The following IRF4 variants were observed in gnomAD, a reference collection of about 807,000 sequenced individuals.
IRF4 encodes lymphocyte-specific interferon regulatory factor.
In IRF4, 13 loss-of-function variants were observed where a neutral mutation model predicts 55.5. That is an observed-to-expected ratio of 0.23 (90% CI 0.15 to 0.37). The LOEUF is 0.37. Among genes scored for constraint, IRF4 ranks in the 10% least tolerant of loss-of-function variants. The pLI, the probability that IRF4 is intolerant of heterozygous loss-of-function variation, is 1.00. For missense variants in IRF4, 397 were observed against 593.8 expected, an observed-to-expected ratio of 0.67 and a Z score of 3.44; for synonymous variants, 249 against 240.7, an observed-to-expected ratio of 1.03 and a Z score of -0.32.
chr6:399,195 G>A (rs1324296173), intron 6 of IRF4, among the ~76,000 whole-genome samples: 1 of 152,136 alleles, frequency 6.6e-6, no homozygotes, highest in Non-Finnish European at 1.5e-5. Context: ...TTCTTCACTG[G>A]CACCTCTCTG....
At chr6:405,920 C>T (rs779179720) in intron 8 of IRF4, among the ~76,000 whole-genome samples, 7 of 152,194 alleles carry the variant, frequency 4.6e-5, no homozygotes, top group African/African-American at 9.7e-5. Flanking sequence ...GCATTATTAA[C>T]GGGCTTGCAT....
In IRF4 at chr6:401,489, C is replaced by G; in HGVS notation, c.811C>G (p.Pro271Ala). The change falls in exon 7 of 9, where the codon CCC becomes GCC. Residue 271 changes from proline (P) to alanine (A), a missense_variant. Physicochemically the swap from Pro to Ala is conservative, Grantham distance 27. Transcript: ENST00000380956. ...CGTGAAGGAGCTGACCACGTCCAGC[C>G]CCGAGGGCTGCCGGATCTCCCATGG... ...ILVKELTTSS[P>A]EGCRISHGHT... 2 of 1,613,900 alleles carry G rather than the reference C, an allele frequency of 1.2e-6. No individual in the cohort carries two copies.
intron 6 of IRF4, among the ~76,000 whole-genome samples, chr6:401,154 G>T (rs745560059): frequency 6.6e-6 from 1 of 152,170 alleles, no homozygotes; most frequent in Non-Finnish European, 1.5e-5. Flanking sequence ...GGCCACATAC[G>T]TTTGTAATAT....
At chr6:401,846 C>T (rs1761409148) in intron 7 of IRF4, 69 bp downstream of exon 7, 9 of 1,415,506 alleles carry the variant, frequency 6.4e-6, no homozygotes, top group Non-Finnish European at 8.8e-6. Context: ...TCAGAAACCA[C>T]AGGGTCCCTC....
Position 407,926 on chromosome 6 carries a change from C to A in IRF4, c.*328C>A, listed in dbSNP as rs975939817. 6.4e-6 allele frequency: 2 copies of A among 314,664 alleles called. No homozygotes were observed. The highest frequency in any genetic ancestry group is 5.5e-5 in the East Asian group (1 of 18,126). 19.5% of individuals were successfully genotyped at this position (314,664 alleles called of 1,614,324 possible). The stretch of plus-strand genomic sequence containing the variant: ...GTTCAGCGGTTGAGGAGAATTGCGG[C>A]GAGACAAGCATGGAAAATCAGTGAC... On this transcript the variant is annotated 3_prime_UTR_variant, in exon 9 of 9. Coordinates refer to ENST00000380956, the MANE Select transcript of IRF4 (RefSeq NM_002460.4).
rs780909578 is a variant in IRF4 at position 410,094 on chromosome 6, A to C, written c.*2496A>C. The C allele has an allele frequency of 4.4e-6, 1 of 226,818 alleles. No individual in the cohort carries two copies. The highest frequency in any genetic ancestry group is 6.3e-5 in the East Asian group (1 of 15,894). 14.1% of individuals were successfully genotyped at this position (226,818 alleles called of 1,614,324 possible). ...TCCTAGCACTTGTCTCAGGACTCTG[A>C]AAAGGAACGGCTTCCTCATTCCTTG... On this transcript the variant is annotated 3_prime_UTR_variant, in exon 9 of 9. Coordinates refer to ENST00000380956, the MANE Select transcript of IRF4 (RefSeq NM_002460.4).
At chr6:401,974 T>A (rs1241174766) in intron 7 of IRF4, among the ~76,000 whole-genome samples, 197 bp downstream of exon 7, 1 of 152,212 alleles carries the variant, frequency 6.6e-6, no homozygotes, top group Admixed American at 6.5e-5. Flanking sequence ...GATCAGATGG[T>A]CCAGGTGGAC....
chr6:396,586 A>AC (rs1761265603), intron 4 of IRF4, among the ~76,000 whole-genome samples: 3 of 140,370 alleles, frequency 2.1e-5, no homozygotes, highest in African/African-American at 5.5e-5. Flanking sequence ...GCACTCCTTT[A>AC]CCCCCGTCTC....
chr6:392,431 G>A (rs1032854190), intron 1 of IRF4, among the ~76,000 whole-genome samples: 3 of 152,360 alleles, frequency 2.0e-5, no homozygotes, highest in African/African-American at 7.2e-5. Flanking sequence ...CCTGCTCCGG[G>A]GTCCGGCGGA....
Position 394,960 on chromosome 6 carries a change from C to G in IRF4, c.356C>G (p.Ser119Ter). The G allele has an allele frequency of 6.2e-7, 1 of 1,614,132 alleles. No homozygotes were observed. Among genetic ancestry groups the G allele is most frequent in the Non-Finnish European group, 8.5e-7 (1 of 1,180,000 alleles). Residue 119 changes from serine (S) to a stop codon, truncating the protein, a stop_gained, in exon 3 of 9, where the codon TCA (serine) becomes TGA (stop). Transcript: ENST00000380956. LOFTEE classifies it high-confidence loss of function. Reference protein sequence around the residue: ...ELVERSQLDISDPYKVYRIVP... With the variant: ...ELVERSQLDI ...GTTGAGCGGAGCCAGCTGGACATCTCAGACCCGTACAAAGTGTACAGGATT... is the reference window on the plus strand; with the variant it reads ...GTTGAGCGGAGCCAGCTGGACATCTGAGACCCGTACAAAGTGTACAGGATT...
intron 4 of IRF4, among the ~76,000 whole-genome samples, chr6:396,330 C>T (rs930789263): frequency 6.6e-6 from 1 of 152,204 alleles, no homozygotes; most frequent in Admixed American, 6.5e-5. Flanking sequence ...GCAAATTCCC[C>T]TGTGGTACTT....
chr6:399,453 T>C (rs1201211483), intron 6 of IRF4, among the ~76,000 whole-genome samples: 1 of 150,186 alleles, frequency 6.7e-6, no homozygotes, highest in Non-Finnish European at 1.5e-5. Flanking sequence ...AACTTTAATA[T>C]AGCTTGCAAA....
Position 393,052 on chromosome 6 carries a change from C to A in IRF4, c.-55-46C>A. On this transcript the variant is annotated intron_variant, in intron 1 of 8. Transcript: ENST00000380956. The surrounding 1 kb of genome is among the most constrained non-coding windows in gnomAD (Gnocchi z 5.4). Reference sequence around the variant, plus strand: ...GCGCAGGGGATCGGGGCGGGGTGCCCGGAGTGCGGTGCCTCGTGGCTGAAG... The same window carrying A: ...GCGCAGGGGATCGGGGCGGGGTGCCAGGAGTGCGGTGCCTCGTGGCTGAAG... 1 of 1,113,528 alleles carries A rather than the reference C, an allele frequency of 9.0e-7. No homozygotes were observed. Among genetic ancestry groups the A allele is most frequent in the Non-Finnish European group, 1.3e-6 (1 of 790,806 alleles). The allele number at this position is 1,113,528 out of a possible 1,614,324, so 69.0% of individuals were successfully genotyped here. A position where few individuals can be genotyped will look rare whatever the true frequency, so the allele number is the denominator to read the frequency against.
In IRF4 at chr6:408,241, A is replaced by G. The variant is rs868503698; in HGVS notation, c.*643A>G. ...GAAGCCTCACACGTAAAAGAAATGT[A>G]TTAATGTATGTAGGAGCTGCAGTTC... On this transcript the variant is annotated 3_prime_UTR_variant, in exon 9 of 9. Transcript: ENST00000380956. 8.6e-6 allele frequency: 2 copies of G among 232,626 alleles called. No individual in the cohort carries two copies. Among genetic ancestry groups the G allele is most frequent in the African/African-American group, 2.2e-5 (1 of 45,312 alleles). 14.4% of individuals were successfully genotyped at this position (232,626 alleles called of 1,614,324 possible).
intron 7 of IRF4, 130 bp from the exon 8 acceptor site, chr6:404,888 T>C: frequency 3.2e-6 from 2 of 622,500 alleles, no homozygotes; most frequent in South Asian, 4.0e-5. Flanking sequence ...AGAGCCCCAC[T>C]CAGCGGAGTA....
In IRF4 at chr6:393,749, G is replaced by T. The variant is rs886321837; in HGVS notation, c.216+381G>T. On this transcript the variant is annotated intron_variant, in intron 2 of 8. Transcript: ENST00000380956. This position sits in a 1 kb window ranked among gnomAD's most constrained non-coding sequence, Gnocchi z 5.4. ...CCGCCTCCGTCCGTGGGTCCCCCTC[G>T]CCCTCTCCGTGCGTCCGCGCCTGTG... Among the ~76,000 whole-genome samples the T allele has an allele frequency of 1.3e-5, 2 of 152,210 alleles. No homozygotes were observed. The highest frequency in any genetic ancestry group is 1.9e-4 in the East Asian group (1 of 5,150).
In IRF4 at chr6:393,105, C is replaced by T. The variant is rs2127435988; in HGVS notation, c.-48C>T. ...CAGCTCTTCTCCCCGCAGTGCAGAG[C>T]AGAGCGGGCGGAGGACCCCGGGCGC... On this transcript the variant is annotated 5_prime_UTR_variant, in exon 2 of 9. Coordinates refer to ENST00000380956, the MANE Select transcript of IRF4 (RefSeq NM_002460.4). This position sits in a 1 kb window ranked among gnomAD's most constrained non-coding sequence, Gnocchi z 5.4. 1 of 1,507,684 alleles carries T rather than the reference C, an allele frequency of 6.6e-7. No individual in the cohort carries two copies. The highest frequency in any genetic ancestry group is 2.2e-4 in the Middle Eastern group (1 of 4,480). 93.4% of individuals were successfully genotyped at this position (1,507,684 alleles called of 1,614,324 possible). A position where few individuals can be genotyped will look rare whatever the true frequency, so the allele number is the denominator to read the frequency against.
rs1400229165 is a variant in IRF4, at chr6:407,482, T to C, written c.1240T>C (p.Tyr414His). 1 of 1,610,050 alleles carries C rather than the reference T, an allele frequency of 6.2e-7. No homozygotes were observed. ...AGAACCTCTGCTAGCCAGACAACTA[T>C]ATTATTTTGCTCAACAAAACAGTGG... ...HVEPLLARQL[Y>H]YFAQQNSGHF... Residue 414 changes from tyrosine to histidine, a missense_variant, in exon 9 of 9, where the codon TAT becomes CAT. By Grantham distance (83) the Tyr-to-His change is moderately conservative. Around this residue, in one of 3 missense-constraint regions of IRF4, gnomAD observed 341 missense variants for 548.1 expected, o/e 0.62. Coordinates refer to ENST00000380956, the MANE Select transcript of IRF4 (RefSeq NM_002460.4).
intron 4 of IRF4, among the ~76,000 whole-genome samples, chr6:396,639 C>A (rs113703180): frequency 7.8e-4 from 31 of 39,760 alleles, no homozygotes; most frequent in African/African-American, 1.4e-3. Context: ...CACTCCTTTA[C>A]CCCCGTCTCG....
Sources: allele counts gnomAD v4.1 joint callset (sites outside exome capture counted in the v4.1 genomes callset), GRCh38; gene constraint gnomAD v4.1.1; regional missense constraint gnomAD v4.1.1; non-coding constraint Gnocchi (gnomAD v3.1); transcripts MANE v1.5; gene names NCBI Gene and HGNC (gene_info 2026-07-23, HGNC 2026-07-21).